Variants in SEL1L observed in about 807,000 individuals in gnomAD.
SEL1L encodes the protein protein sel-1 homolog 1.
Under a neutral mutation model 109.8 loss-of-function variants are expected in SEL1L, and 52 were observed. That is an observed-to-expected ratio of 0.47 (90% CI 0.38 to 0.60). The LOEUF is 0.60. SEL1L is among the 20% of genes least tolerant of loss of function. The pLI is 0.00. For missense variants in SEL1L, 749 were observed against 962.2 expected, an observed-to-expected ratio of 0.78 and a Z score of 2.93; for synonymous variants, 373 against 339.6, an observed-to-expected ratio of 1.10 and a Z score of -1.08.
intron 20 of SEL1L, among the ~76,000 whole-genome samples, chr14:81,478,854 T>A (rs1440618432): frequency 2.6e-5 from 4 of 152,198 alleles, no homozygotes; most frequent in Admixed American, 6.5e-5. Flanking sequence ...CTGAAAGACA[T>A]TAACAAAAGG....
chr14:81,500,416 T>C (rs185374153), intron 6 of SEL1L, among the ~76,000 whole-genome samples: 1 of 152,034 alleles, frequency 6.6e-6, no homozygotes, highest in Admixed American at 6.5e-5. Flanking sequence ...TTTTGTATTT[T>C]TAGTAGAGAC....
chr14:81,488,094 T>C (rs1883385929), intron 14 of SEL1L, 152 bp from the exon 15 acceptor site: 1 of 578,940 alleles, frequency 1.7e-6, no homozygotes, highest in Non-Finnish European at 3.0e-6. Flanking sequence ...TAATAGATAA[T>C]AATATACATT....
Position 81,476,859 on chromosome 14 carries a change from T to C in SEL1L, c.*113A>G, listed in dbSNP as rs1171621283. 4 of 990,584 alleles carry C rather than the reference T, an allele frequency of 4.0e-6. No individual in the cohort carries two copies. Among genetic ancestry groups the C allele is most frequent in the East Asian group, 5.2e-5 (2 of 38,556 alleles). 61.4% of individuals were successfully genotyped at this position (990,584 alleles called of 1,614,324 possible). On this transcript the variant is annotated 3_prime_UTR_variant, in exon 21 of 21. Transcript: ENST00000336735. Reference sequence around the variant, plus strand: ...GCTTTAGGAATTCAATGCTTCCTTGTGCCGTGCCTCTTCTGGGAGGTGACC... The same window carrying C: ...GCTTTAGGAATTCAATGCTTCCTTGCGCCGTGCCTCTTCTGGGAGGTGACC...
chr14:81,518,660 A>T (rs1283673890), intron 3 of SEL1L, among the ~76,000 whole-genome samples: 2 of 107,168 alleles, frequency 1.9e-5, no homozygotes, highest in Admixed American at 8.6e-5. Flanking sequence ...GACTTCGTCT[A>T]AAAAAAAAAA....
chr14:81,498,283 CTAGTT>C (rs1288913260), intron 9 of SEL1L, 125 bp downstream of exon 9: 2 of 835,072 alleles, frequency 2.4e-6, no homozygotes, highest in Non-Finnish European at 3.7e-6. Context: ...TGAACCTCAA[CTAGTT>C]TAAAGATGAG....
At chr14:81,530,246 T>C (rs1424991177) in intron 1 of SEL1L, among the ~76,000 whole-genome samples, 1 of 152,230 alleles carries the variant, frequency 6.6e-6, no homozygotes, top group Non-Finnish European at 1.5e-5. Context: ...AGCTCTAAAT[T>C]GGTACAGATC....
rs539039183 is a variant in SEL1L at position 81,495,932 on chromosome 14, T to C, written c.1129-795A>G. On this transcript the variant is annotated intron_variant, in intron 10 of 20. Coordinates refer to ENST00000336735, the MANE Select transcript of SEL1L (RefSeq NM_005065.6). ...TCCTGGGTGACAGAGCAAGACTTTG[T>C]CTTAAAAAACAAACAAATGAATAAA... Among the ~76,000 whole-genome samples, 8 of 152,124 alleles carry C rather than the reference T, an allele frequency of 5.3e-5. No individual in the cohort carries two copies. The South Asian group carries it at 1.2e-3, about 24-fold the overall frequency.
chr14:81,499,099 T>G (rs1056033451), intron 8 of SEL1L: 9 of 947,222 alleles, frequency 9.5e-6, no homozygotes, highest in Non-Finnish European at 1.1e-5. Flanking sequence ...TAGCCACCAT[T>G]TACAAAATTT....
At chr14:81,503,873 G>A (rs531514333) in intron 5 of SEL1L, among the ~76,000 whole-genome samples, 3 of 152,152 alleles carry the variant, frequency 2.0e-5, no homozygotes, top group South Asian at 4.1e-4. Flanking sequence ...AACAAAAAAC[G>A]TACTTGACAA....
intron 19 of SEL1L, among the ~76,000 whole-genome samples, chr14:81,482,762 G>T (rs1903398734): frequency 6.6e-6 from 1 of 152,112 alleles, no homozygotes; most frequent in African/African-American, 2.4e-5. Flanking sequence ...GAAATTAAAA[G>T]AAAATGTCCA....
chr14:81,520,565 A>G (rs1884865772), intron 3 of SEL1L, among the ~76,000 whole-genome samples: 1 of 152,260 alleles, frequency 6.6e-6, no homozygotes, highest in African/African-American at 2.4e-5. Flanking sequence ...ATAAGGTGGA[A>G]AGGGCTCGCA....
intron 6 of SEL1L, among the ~76,000 whole-genome samples, chr14:81,500,294 T>C (rs1380758925): frequency 6.6e-6 from 1 of 151,972 alleles, no homozygotes; most frequent in Non-Finnish European, 1.5e-5. Context: ...AGACCAGTGG[T>C]ACAATCTCGG....
Position 81,485,654 on chromosome 14 carries a change from T to C in SEL1L, c.1873+18A>G, listed in dbSNP as rs745587245. 3.7e-6 allele frequency: 6 copies of C among 1,608,210 alleles called. No individual in the cohort carries two copies. The East Asian group carries it at 1.1e-4, about 30-fold the overall frequency. On this transcript the variant is annotated intron_variant, in intron 18 of 20. Transcript: ENST00000336735. ...GAGGTCCCTGGGTGAAACTCTTATC[T>C]TAGAATTAATCACTTACCTTGAGAG...
intron 15 of SEL1L, 81 bp from the exon 16 acceptor site, chr14:81,487,619 A>G: frequency 6.5e-7 from 1 of 1,540,930 alleles, no homozygotes; most frequent in Admixed American, 2.2e-5. Flanking sequence ...TATGAAGAAT[A>G]AAACTCTAAT....
chr14:81,506,347 A>G (rs904730759), intron 3 of SEL1L, 106 bp from the exon 4 acceptor site: 2 of 931,624 alleles, frequency 2.1e-6, no homozygotes, highest in African/African-American at 3.4e-5. Flanking sequence ...AAGATTCATG[A>G]TGCCTGATTT....
At chr14:81,495,253 C>CA in intron 10 of SEL1L, 116 bp from the exon 11 acceptor site, 1 of 874,110 alleles carries the variant, frequency 1.1e-6, no homozygotes, top group East Asian at 2.6e-5. Flanking sequence ...ACTCAAAAAA[C>CA]AAAAAGATTT....
chr14:81,486,231 G>C (rs1903515454), intron 17 of SEL1L, 58 bp downstream of exon 17: 1 of 1,532,604 alleles, frequency 6.5e-7, no homozygotes, highest in African/African-American at 1.4e-5. Flanking sequence ...ACATTAAACA[G>C]TTTACTGGTG....
intron 8 of SEL1L, 85 bp from the exon 9 acceptor site, chr14:81,498,579 C>T (rs750737016): frequency 2.5e-5 from 25 of 991,994 alleles, no homozygotes; most frequent in Admixed American, 1.0e-4. Context: ...TAAGCATACC[C>T]AGAATTTTGC....
chr14:81,504,168 T>TG, intron 5 of SEL1L, 33 bp downstream of exon 5: 2 of 1,353,964 alleles, frequency 1.5e-6, no homozygotes, highest in Non-Finnish European at 2.0e-6. Context: ...TGGCCTGTCA[T>TG]GGGGGAAAAG....
Sources: gnomAD v4.1 joint callset for allele counts (sites outside exome capture counted in the v4.1 genomes callset) on GRCh38, gnomAD v4.1.1 for gene constraint, MANE v1.5 for transcripts, NCBI Gene and HGNC (gene_info 2026-07-23, HGNC 2026-07-21) for gene names.